Variants in PKD1L1 observed in about 807,000 individuals in gnomAD.
PKD1L1 encodes the protein polycystin-1-like protein 1.
In PKD1L1, 236 loss-of-function variants were observed where a neutral mutation model predicts 323.4. The ratio of observed to expected loss-of-function variants is 0.73; its 90% CI spans 0.66 to 0.81. PKD1L1 has a LOEUF of 0.81. Among genes scored for constraint, PKD1L1 ranks in the 40% least tolerant of loss-of-function variants. The probability of loss-of-function intolerance (pLI) is 0.00; values close to 1 mark genes in which losing one functional copy is unlikely to be tolerated. For missense variants in PKD1L1, 3,320 were observed against 3,508.0 expected (o/e 0.95, Z 1.35); for synonymous variants, 1,344 against 1,335.0 (o/e 1.01, Z -0.15).
chr7:47,803,515 G>A (rs1342317702), intron 52 of PKD1L1, among the ~76,000 whole-genome samples, 171 bp from the exon 53 acceptor site: 1 of 152,204 alleles, frequency 6.6e-6, no homozygotes, highest in African/African-American at 2.4e-5. Flanking sequence ...AGAATGAGTT[G>A]GAACTAGGGG....
intron 46 of PKD1L1, chr7:47,818,259 A>C (rs1785064837): frequency 8.1e-7 from 1 of 1,239,678 alleles, no homozygotes; most frequent in African/African-American, 1.6e-5. Context: ...CAGGGGGCAC[A>C]GAGATGCAGT....
Position 47,905,299 on chromosome 7 carries a change from C to T in PKD1L1, c.1549G>A (p.Val517Met). 6.2e-7 allele frequency: 1 copy of T among 1,614,058 alleles called. No homozygotes were observed. The highest frequency in any genetic ancestry group is 1.1e-5 in the South Asian group (1 of 91,058). The change falls in exon 11 of 57, where the codon GTG (valine) becomes ATG (methionine). Residue 517 changes from valine (V) to methionine (M), a missense_variant. Transcript: ENST00000289672. ...QSVSVYTNGT[V>M]FATDTDITFT... The stretch of plus-strand genomic sequence containing the variant: ...GTAATGTCTGTGTCTGTGGCAAACA[C>T]AGTTCCATTTGTGTAGACAGAGACG...
At chr7:47,877,752 G>T in intron 21 of PKD1L1, 121 bp from the exon 22 acceptor site, 1 of 1,155,638 alleles carries the variant, frequency 8.7e-7, no homozygotes, top group Admixed American at 2.7e-5. Flanking sequence ...CAGACCAGCA[G>T]CATCGGACTA....
At chr7:47,958,780 GCCCTCT>G in the PKD1L1 span, among the ~76,000 whole-genome samples, 10,178 of 151,864 alleles carry the variant, frequency 0.067, 416 homozygotes, top group South Asian at 0.14. Context: ...ATGGTCAAAA[GCCCTCT>G]CCCTCTCCCT....
chr7:47,859,655 T>C, intron 26 of PKD1L1, among the ~76,000 whole-genome samples: 1 of 144,786 alleles, frequency 6.9e-6, no homozygotes. Context: ...GAGATGGAGT[T>C]TGACTCTATC....
chr7:47,950,440 G>A (rs1326441493), upstream of PKD1L1, among the ~76,000 whole-genome samples: 2 of 152,162 alleles, frequency 1.3e-5, no homozygotes, highest in African/African-American at 4.8e-5. Context: ...GCCCTACGTG[G>A]GAGGCACTCT....
intron 46 of PKD1L1, 112 bp downstream of exon 46, chr7:47,820,964 T>A: frequency 1.6e-6 from 1 of 643,658 alleles, no homozygotes; most frequent in Admixed American, 2.6e-5. Flanking sequence ...AGGGAAATGG[T>A]GACAATCTTT....
At chr7:47,797,536 G>C (rs1319867319) in intron 54 of PKD1L1, among the ~76,000 whole-genome samples, 2 of 152,224 alleles carry the variant, frequency 1.3e-5, no homozygotes, top group Non-Finnish European at 2.9e-5. Context: ...ATGGCAGACA[G>C]CAAGACCTGA....
At chr7:47,953,841 T>G in the PKD1L1 span, among the ~76,000 whole-genome samples, 1 of 152,156 alleles carries the variant, frequency 6.6e-6, no homozygotes, top group East Asian at 1.9e-4. Context: ...GTGAAAGAAG[T>G]GAACAGAGAA....
In PKD1L1 at chr7:47,881,250, C is replaced by T. The variant is rs1457927670; in HGVS notation, c.3443-445G>A. On this transcript the variant is annotated intron_variant, in intron 20 of 56. Transcript: ENST00000289672. ...CTGACCGTGGTGACTGGATTACTTC[C>T]TTAGCAGAGAGAGGCTGACCTCTCA... 4.6e-5 allele frequency among the ~76,000 whole-genome samples: 7 copies of T among 152,156 alleles called. No individual in the cohort carries two copies. The East Asian group carries it at 7.7e-4, about 17-fold the overall frequency.
chr7:47,831,293 A>G lies in PKD1L1; in HGVS notation c.6397T>C (p.Trp2133Arg), dbSNP rs763846813. ...PQWSRALQPWWSSAVWAICGT... is the reference protein window; with the variant it reads ...PQWSRALQPWRSSAVWAICGT... ...CAAATGGCCCACACTGCAGAGCTCC[A>G]CCAAGGCTGAAGGGCCCTTGACCAC... Residue 2133 changes from tryptophan to arginine, a missense_variant, in exon 42 of 57, where the codon TGG becomes CGG. Coordinates refer to ENST00000289672, the MANE Select transcript of PKD1L1 (RefSeq NM_138295.5). 2 of 1,614,044 alleles carry G rather than the reference A, an allele frequency of 1.2e-6. No individual in the cohort carries two copies. Among genetic ancestry groups the G allele is most frequent in the Non-Finnish European group, 1.7e-6 (2 of 1,180,022 alleles).
chr7:47,910,633 C>T (rs889498510), intron 8 of PKD1L1, among the ~76,000 whole-genome samples: 7 of 149,250 alleles, frequency 4.7e-5, no homozygotes, highest in African/African-American at 1.7e-4. Context: ...CCAACGCGCC[C>T]GGCCAGGCAT....
chr7:47,858,583 T>G, intron 27 of PKD1L1, 90 bp downstream of exon 27: 2 of 1,212,884 alleles, frequency 1.6e-6, no homozygotes, highest in Non-Finnish European at 2.4e-6. Flanking sequence ...CTGATTCTGT[T>G]TTTGGTTTTG....
At position 47,815,465 on chromosome 7, in the gene PKD1L1, C is replaced by A; in HGVS notation, c.6966-8G>T. 1 of 1,609,296 alleles carries A rather than the reference C, an allele frequency of 6.2e-7. No homozygotes were observed. Among genetic ancestry groups the A allele is most frequent in the South Asian group, 1.1e-5 (1 of 89,962 alleles). Reference sequence around the variant, plus strand: ...AAGCAGTTTCTGGCATTTCTTAATGCAAGAACAAAAATAAAAAGTTGCTTC... The same window carrying A: ...AAGCAGTTTCTGGCATTTCTTAATGAAAGAACAAAAATAAAAAGTTGCTTC... On this transcript the variant is annotated splice_region_variant and splice_polypyrimidine_tract_variant and intron_variant, in intron 46 of 56. Coordinates refer to ENST00000289672, the MANE Select transcript of PKD1L1 (RefSeq NM_138295.5).
At chr7:47,874,083 A>G in intron 23 of PKD1L1, 73 bp from the exon 24 acceptor site, 5 of 925,422 alleles carry the variant, frequency 5.4e-6, no homozygotes, top group South Asian at 4.8e-5. Flanking sequence ...ACACACAGAC[A>G]GCATCTTCTG....
intron 21 of PKD1L1, among the ~76,000 whole-genome samples, 167 bp from the exon 22 acceptor site, chr7:47,877,798 C>T (rs1006972011): frequency 1.3e-5 from 2 of 152,060 alleles, no homozygotes; most frequent in Non-Finnish European, 1.5e-5. Flanking sequence ...ATTCTGGAGC[C>T]CCACCCTAGA....
At position 47,803,241 on chromosome 7, in the gene PKD1L1, C is replaced by T. The variant is rs754130484; in HGVS notation, c.7931G>A (p.Arg2644His). The change falls in exon 53 of 57, where the codon CGC (arginine) becomes CAC (histidine). Residue 2644 changes from arginine (R) to histidine (H), a missense_variant. Coordinates refer to ENST00000289672, the MANE Select transcript of PKD1L1 (RefSeq NM_138295.5). ...NTMASCSSMM[R>H]HSLPSIFVAG... ...TACAAAGATGCTGGGGAGTGAGTGGCGCATCATGGAGGAGCAGGATGCCAT... is the reference window on the plus strand; with the variant it reads ...TACAAAGATGCTGGGGAGTGAGTGGTGCATCATGGAGGAGCAGGATGCCAT... 15 of 1,613,916 alleles carry T rather than the reference C, an allele frequency of 9.3e-6. No homozygotes were observed. The highest frequency in any genetic ancestry group is 5.5e-5 in the South Asian group (5 of 91,084).
chr7:47,920,299 A>AAAC (rs1554412798), intron 7 of PKD1L1, among the ~76,000 whole-genome samples: 12 of 27,546 alleles, frequency 4.4e-4, no homozygotes, highest in Non-Finnish European at 5.9e-4. Context: ...AAACAAAAAC[A>AAAC]AAAAAAAAAA....
chr7:47,801,738 A>G lies in PKD1L1; in HGVS notation c.7963-859T>C, dbSNP rs543169294. Among the ~76,000 whole-genome samples, 150 of 152,334 alleles carry G rather than the reference A, an allele frequency of 9.8e-4. 1 individual carries two copies. Among genetic ancestry groups the G allele is most frequent in the African/African-American group, 3.3e-3 (136 of 41,578 alleles). ...TCAGACATCAGTGGAACTCAGAAGA[A>G]AGAAAGCACAATCTATGAGTCTACA... On this transcript the variant is annotated intron_variant, in intron 53 of 56. Coordinates refer to ENST00000289672, the MANE Select transcript of PKD1L1 (RefSeq NM_138295.5).
Sources: gnomAD v4.1 joint callset for allele counts (sites outside exome capture counted in the v4.1 genomes callset) on GRCh38, gnomAD v4.1.1 for gene constraint, MANE v1.5 for transcripts, NCBI Gene and HGNC (gene_info 2026-07-23, HGNC 2026-07-21) for gene names.